Variants in JARID2 observed in about 807,000 individuals in gnomAD.
JARID2 encodes the protein protein Jumonji.
JARID2 carries 21 observed loss-of-function variants against 125.6 expected under a neutral mutation model. That is an observed-to-expected ratio of 0.17 (90% CI 0.12 to 0.24). The LOEUF is 0.24. JARID2 is among the 10% of genes least tolerant of loss of function. The probability of loss-of-function intolerance (pLI) is 1.00; values close to 1 mark genes in which losing one functional copy is unlikely to be tolerated. For missense variants in JARID2, 1,303 were observed against 1,639.6 expected, an observed-to-expected ratio of 0.79 and a Z score of 3.55; for synonymous variants, 736 against 661.6, an observed-to-expected ratio of 1.11 and a Z score of -1.73.
At chr6:15,450,041 T>A (rs372715488) in intron 3 of JARID2, among the ~76,000 whole-genome samples, 16,850 of 151,960 alleles carry the variant, frequency 0.11, 1,006 homozygotes, top group African/African-American at 0.16. Context: ...ATAGTATAAT[T>A]TTTTTTTAAA....
At chr6:15,457,986 C>G (rs982523420) in intron 4 of JARID2, among the ~76,000 whole-genome samples, 1 of 152,090 alleles carries the variant, frequency 6.6e-6, no homozygotes, top group Non-Finnish European at 1.5e-5. Flanking sequence ...GCAGCCGGCC[C>G]GAGGTATTTG....
chr6:15,468,775 G>A (rs1376475731), intron 5 of JARID2, 57 bp downstream of exon 5: 4 of 1,525,242 alleles, frequency 2.6e-6, no homozygotes, highest in East Asian at 2.3e-5. Flanking sequence ...GTGAGAGCTG[G>A]AAGAGAGCCT....
At position 15,517,290 on chromosome 6, in the gene JARID2, A is replaced by G. The variant is rs748389142; in HGVS notation, c.3558+22A>G. On this transcript the variant is annotated intron_variant, in intron 17 of 17. Coordinates refer to ENST00000341776, the MANE Select transcript of JARID2 (RefSeq NM_004973.4). ...TGAGGTCAGTCCCTGCCCGCGGGGT[A>G]GGGCAGGGCGGCAGCGTGGCGCCTT... is the stretch of plus-strand genomic sequence containing the variant. 128 of 1,546,648 alleles carry G rather than the reference A, an allele frequency of 8.3e-5. 1 individual carries two copies. In the Admixed American group the frequency reaches 2.1e-3, roughly 25 times the overall value.
At chr6:15,310,341 C>T (rs1029843627) in intron 1 of JARID2, among the ~76,000 whole-genome samples, 1 of 152,188 alleles carries the variant, frequency 6.6e-6, no homozygotes, top group Non-Finnish European at 1.5e-5. Flanking sequence ...AATCAATATT[C>T]TTTACAAATG....
chr6:15,251,463 C>T (rs866996376), intron 1 of JARID2, among the ~76,000 whole-genome samples: 21 of 152,202 alleles, frequency 1.4e-4, no homozygotes, highest in African/African-American at 4.8e-4. Context: ...GTAGTAGCAG[C>T]TCTACTAACC....
At chr6:15,486,294 A>G (rs1377458928) in intron 5 of JARID2, among the ~76,000 whole-genome samples, 1 of 152,256 alleles carries the variant, frequency 6.6e-6, no homozygotes, top group African/African-American at 2.4e-5. Flanking sequence ...AAGCAGAAGG[A>G]TAAACCCATA....
intron 2 of JARID2, among the ~76,000 whole-genome samples, chr6:15,387,536 A>T (rs535152477): frequency 6.6e-6 from 1 of 152,128 alleles, no homozygotes; most frequent in African/African-American, 2.4e-5. Context: ...TTTACCCTCG[A>T]TCACCTTCTC....
intron 2 of JARID2, among the ~76,000 whole-genome samples, chr6:15,397,911 G>A (rs1467312514): frequency 6.6e-6 from 1 of 152,160 alleles, no homozygotes; most frequent in Non-Finnish European, 1.5e-5. Context: ...TTGGACATGA[G>A]AATCATGGTG....
chr6:15,480,231 G>A (rs890998802), intron 5 of JARID2, among the ~76,000 whole-genome samples: 3 of 152,040 alleles, frequency 2.0e-5, no homozygotes, highest in African/African-American at 7.3e-5. Flanking sequence ...GGGTTAGTTC[G>A]GTCCCATCTT....
At chr6:15,255,066 T>C (rs891107948) in intron 1 of JARID2, among the ~76,000 whole-genome samples, 3 of 150,088 alleles carry the variant, frequency 2.0e-5, no homozygotes, top group Admixed American at 2.0e-4. Flanking sequence ...ACAACCACTG[T>C]GTAACCACAG....
intron 1 of JARID2, among the ~76,000 whole-genome samples, chr6:15,325,357 CCCT>C (rs1460050031): frequency 6.6e-6 from 1 of 151,946 alleles, no homozygotes; most frequent in African/African-American, 2.4e-5. Context: ...CTTTTTTTCC[CCCT>C]ATTTAATTTA....
chr6:15,296,503 T>G (rs568448655), intron 1 of JARID2, among the ~76,000 whole-genome samples: 1 of 152,304 alleles, frequency 6.6e-6, no homozygotes, highest in African/African-American at 2.4e-5. Flanking sequence ...CCATAGCATA[T>G]TTGTGTGACA....
At chr6:15,504,714 G>A in intron 9 of JARID2, 122 bp downstream of exon 9, 1 of 669,734 alleles carries the variant, frequency 1.5e-6, no homozygotes, top group Non-Finnish European at 2.7e-6. Flanking sequence ...AGATGGGGCT[G>A]AGTTCGTCCT....
At chr6:15,250,765 C>A (rs1759414845) in intron 1 of JARID2, among the ~76,000 whole-genome samples, 1 of 152,080 alleles carries the variant, frequency 6.6e-6, no homozygotes, top group Non-Finnish European at 1.5e-5. Flanking sequence ...TAAACCAGTC[C>A]CTGTTGCTGG....
intron 1 of JARID2, chr6:15,368,653 A>T (rs1241781099): frequency 2.1e-6 from 1 of 478,530 alleles, no homozygotes; most frequent in South Asian, 1.5e-5. Context: ...AACTAGCATT[A>T]CTTAGTGCCA....
chr6:15,382,781 G>T (rs1764639588), intron 2 of JARID2, among the ~76,000 whole-genome samples: 1 of 152,204 alleles, frequency 6.6e-6, no homozygotes, highest in Non-Finnish European at 1.5e-5. Flanking sequence ...GTTAAGAATG[G>T]AGGTGCCTGA....
At chr6:15,364,644 C>G (rs1404189210) in intron 1 of JARID2, among the ~76,000 whole-genome samples, 1 of 152,202 alleles carries the variant, frequency 6.6e-6, no homozygotes, top group African/African-American at 2.4e-5. Flanking sequence ...GATTTCTTAT[C>G]TCCCACAGTT....
chr6:15,464,521 A>T (rs895634047), intron 4 of JARID2, among the ~76,000 whole-genome samples: 1 of 152,170 alleles, frequency 6.6e-6, no homozygotes, highest in Non-Finnish European at 1.5e-5. Flanking sequence ...GATGATGCCA[A>T]GGAGGACAGT....
In JARID2 at chr6:15,520,235, C is replaced by T. The variant is rs767983996; in HGVS notation, c.3725C>T (p.Ala1242Val). 3.1e-6 allele frequency: 5 copies of T among 1,606,636 alleles called. No individual in the cohort carries two copies. In the South Asian group the frequency reaches 5.6e-5, roughly 18 times the overall value. ...RLSASSSSKS[A>V]SSSS ...TCAGCCTCCAGTTCATCCAAAAGTG[C>T]TTCGAGCTCATCATGAAGATGCCAA... is the stretch of plus-strand genomic sequence containing the variant. Residue 1242 changes from alanine to valine, a missense_variant, in exon 18 of 18, where the codon GCT becomes GTT. Ala to Val is a moderately conservative substitution (Grantham distance 64). Around this residue, in one of 11 missense-constraint regions of JARID2, gnomAD observed 75 missense variants for 66.0 expected, o/e 1.14. Transcript: ENST00000341776.
Sources: gnomAD v4.1 joint callset for allele counts (sites outside exome capture counted in the v4.1 genomes callset) on GRCh38, gnomAD v4.1.1 for gene constraint, gnomAD v4.1.1 regional missense constraint, MANE v1.5 for transcripts, NCBI Gene and HGNC (gene_info 2026-07-23, HGNC 2026-07-21) for gene names.